Variants in ATP8A2 observed in about 807,000 individuals in gnomAD.
ATP8A2 encodes the protein ATPase phospholipid transporting 8A2, also known as phospholipid-transporting ATPase IB.
A neutral mutation model predicts 165.6 loss-of-function variants in ATP8A2; 100 were observed. That is an observed-to-expected ratio of 0.60 (90% CI 0.51 to 0.71). The LOEUF (loss-of-function observed/expected upper bound fraction) is 0.71, where lower values mean the gene tolerates loss of function less well. ATP8A2 is among the 30% of genes least tolerant of loss of function. The probability of loss-of-function intolerance (pLI) is 0.00; values close to 1 mark genes in which losing one functional copy is unlikely to be tolerated. For synonymous variants in ATP8A2, 543 were observed against 548.8 expected (o/e 0.99, Z 0.15); for missense variants, 1,227 against 1,479.5 (o/e 0.83, Z 2.80).
chr13:25,456,403 T>C (rs2035364901), intron 1 of ATP8A2, among the ~76,000 whole-genome samples: 1 of 152,336 alleles, frequency 6.6e-6, no homozygotes, highest in Non-Finnish European at 1.5e-5. Context: ...AATTCTAATG[T>C]GGAAAATGCA....
At chr13:25,565,970 A>C (rs1459362143) in intron 16 of ATP8A2, among the ~76,000 whole-genome samples, 2 of 152,116 alleles carry the variant, frequency 1.3e-5, no homozygotes, top group African/African-American at 4.8e-5. Flanking sequence ...TTTCTGAAAA[A>C]ATTTCTAGAT....
intron 18 of ATP8A2, 35 bp from the exon 19 acceptor site, chr13:25,574,773 G>A: frequency 2.4e-6 from 3 of 1,262,068 alleles, no homozygotes; most frequent in Non-Finnish European, 3.5e-6. Flanking sequence ...TTAATACTTT[G>A]CACCTCGGTT....
chr13:25,880,377 C>CAA (rs10641772), intron 33 of ATP8A2, among the ~76,000 whole-genome samples: 1,509 of 91,646 alleles, frequency 0.016, 24 homozygotes, highest in African/African-American at 0.047. Flanking sequence ...TCAGGAACAA[C>CAA]AAAAAAAAAA....
chr13:25,382,479 G>A (rs982397597), intron 1 of ATP8A2, among the ~76,000 whole-genome samples: 2 of 152,180 alleles, frequency 1.3e-5, no homozygotes, highest in Non-Finnish European at 2.9e-5. Context: ...TGTATGCTAA[G>A]AGTATGTTTA....
chr13:25,592,028 GT>G (rs34939632), intron 24 of ATP8A2, among the ~76,000 whole-genome samples: 182 of 145,446 alleles, frequency 1.3e-3, no homozygotes, highest in Middle Eastern at 7.1e-3. Context: ...GCCAACACTG[GT>G]TTTTTTTTTT....
intron 33 of ATP8A2, among the ~76,000 whole-genome samples, chr13:25,919,570 G>C (rs929906589): frequency 6.6e-6 from 1 of 152,080 alleles, no homozygotes; most frequent in African/African-American, 2.4e-5. Flanking sequence ...TGCCCTAAGA[G>C]ACTACAGTGT....
intron 6 of ATP8A2, among the ~76,000 whole-genome samples, chr13:25,534,527 G>A (rs2038215761): frequency 6.6e-6 from 1 of 152,216 alleles, no homozygotes; most frequent in Non-Finnish European, 1.5e-5. Context: ...AAAATGGAGT[G>A]ATGGTCTCTA....
chr13:25,540,660 C>G (rs376097699), intron 8 of ATP8A2, among the ~76,000 whole-genome samples: 35 of 152,044 alleles, frequency 2.3e-4, no homozygotes, highest in South Asian at 1.7e-3. Context: ...GAGGGGACAT[C>G]TCGATGAAGC....
chr13:25,429,488 C>T (rs1037777881), intron 1 of ATP8A2, among the ~76,000 whole-genome samples: 2 of 151,816 alleles, frequency 1.3e-5, no homozygotes, highest in African/African-American at 4.8e-5. Flanking sequence ...AAATGGTCAG[C>T]TGGATGGCTG....
At chr13:25,899,683 A>G (rs1287620196) in intron 33 of ATP8A2, among the ~76,000 whole-genome samples, 1 of 152,136 alleles carries the variant, frequency 6.6e-6, no homozygotes, top group African/African-American at 2.4e-5. Context: ...ACAGGCAGGA[A>G]GGAAGGGGTT....
At chr13:25,616,331 T>TC (rs1461908395) in intron 24 of ATP8A2, among the ~76,000 whole-genome samples, 2 of 140,962 alleles carry the variant, frequency 1.4e-5, no homozygotes, top group Non-Finnish European at 3.1e-5. Flanking sequence ...TCTTTCTTTT[T>TC]TTTTTTTTTT....
intron 1 of ATP8A2, among the ~76,000 whole-genome samples, chr13:25,432,479 G>A (rs1249791303): frequency 6.6e-6 from 1 of 152,160 alleles, no homozygotes; most frequent in Non-Finnish European, 1.5e-5. Flanking sequence ...AACACGGAGT[G>A]AGCGTTTTCT....
At chr13:25,913,284 A>G (rs190377553) in intron 33 of ATP8A2, among the ~76,000 whole-genome samples, 1 of 152,290 alleles carries the variant, frequency 6.6e-6, no homozygotes, top group Admixed American at 6.5e-5. Context: ...TTAAGGGAAA[A>G]TATCCAAACA....
intron 24 of ATP8A2, among the ~76,000 whole-genome samples, chr13:25,620,026 G>C (rs369610929): frequency 3.3e-5 from 5 of 152,310 alleles, no homozygotes; most frequent in African/African-American, 7.2e-5. Flanking sequence ...TACCGAGCTT[G>C]ATCAGCCTAA....
At position 26,020,039 on chromosome 13, in the gene ATP8A2, G is replaced by A; in HGVS notation, c.*54G>A. 7.9e-7 allele frequency: 1 copy of A among 1,273,226 alleles called. No individual in the cohort carries two copies. The highest frequency in any genetic ancestry group is 1.7e-5 in the Admixed American group (1 of 58,334). The allele number at this position is 1,273,226 out of a possible 1,614,324, so 78.9% of individuals were successfully genotyped here. The stretch of plus-strand genomic sequence containing the variant: ...AAAGAGATTCAGTTTGTTGCACCCA[G>A]TGTTAACACATCTTTGTCAGAGAAG... On this transcript the variant is annotated 3_prime_UTR_variant, in exon 37 of 37. Transcript: ENST00000381655.
chr13:25,383,042 A>C (rs2032908476), intron 1 of ATP8A2, among the ~76,000 whole-genome samples: 2 of 139,926 alleles, frequency 1.4e-5, no homozygotes, highest in Non-Finnish European at 3.1e-5. Flanking sequence ...GGTGTGAGCC[A>C]CCACACCCAG....
In ATP8A2 at chr13:25,773,300, C is replaced by T. The variant is rs536608612; in HGVS notation, c.2569-1549C>T. Among the ~76,000 whole-genome samples the T allele has an allele frequency of 1.9e-4, 29 of 152,206 alleles. 1 individual carries two copies. Among genetic ancestry groups the T allele is most frequent in the Admixed American group, 1.5e-3 (23 of 15,304 alleles). Reference sequence around the variant, plus strand: ...GTAAGGCATATCAAATGTGTAGAAACGTGATGTAAACAGGGTTGCAGCTAA... The same window carrying T: ...GTAAGGCATATCAAATGTGTAGAAATGTGATGTAAACAGGGTTGCAGCTAA... On this transcript the variant is annotated intron_variant, in intron 26 of 36. Transcript: ENST00000381655.
chr13:25,735,485 T>G (rs2043747485), intron 25 of ATP8A2, among the ~76,000 whole-genome samples: 1 of 152,042 alleles, frequency 6.6e-6, no homozygotes, highest in Admixed American at 6.5e-5. Context: ...GGTCTCGAAC[T>G]CATGGGCTCA....
At chr13:25,395,697 G>A (rs1209751407) in intron 1 of ATP8A2, among the ~76,000 whole-genome samples, 1 of 152,028 alleles carries the variant, frequency 6.6e-6, no homozygotes, top group Non-Finnish European at 1.5e-5. Flanking sequence ...CACCATGCTT[G>A]GCTAATTTTT....
Sources: allele counts gnomAD v4.1 joint callset (sites outside exome capture counted in the v4.1 genomes callset), GRCh38; gene constraint gnomAD v4.1.1; transcripts MANE v1.5; gene names NCBI Gene and HGNC (gene_info 2026-07-23, HGNC 2026-07-21).